PDE7B: variants seen among roughly 807,000 people sequenced by gnomAD.
PDE7B encodes the protein 3',5'-cyclic-AMP phosphodiesterase 7B.
A neutral mutation model predicts 56.2 loss-of-function variants in PDE7B; 29 were observed. The observed-to-expected ratio is 0.52, with a 90% CI of 0.38 to 0.70. The LOEUF (loss-of-function observed/expected upper bound fraction) is 0.70, where lower values mean the gene tolerates loss of function less well. Ranked by LOEUF, PDE7B falls within the 30% of genes least tolerant of loss-of-function variation. The pLI is 0.00. For missense variants in PDE7B, 490 were observed against 565.0 expected, an observed-to-expected ratio of 0.87 and a Z score of 1.35; for synonymous variants, 197 against 196.9, an observed-to-expected ratio of 1.00 and a Z score of 0.00.
intron 2 of PDE7B, among the ~76,000 whole-genome samples, chr6:136,019,452 CTG>C (rs985117787): frequency 1.4e-3 from 206 of 152,216 alleles, no homozygotes; most frequent in African/African-American, 4.9e-3. Flanking sequence ...GGCATCGACA[CTG>C]TAAATATGCA....
intron 1 of PDE7B, among the ~76,000 whole-genome samples, chr6:135,945,214 T>C (rs1400307100): frequency 6.6e-6 from 1 of 152,200 alleles, no homozygotes; most frequent in Non-Finnish European, 1.5e-5. Flanking sequence ...ATCCTCACAT[T>C]TGCTTCTCTG....
At chr6:136,082,464 A>G (rs1777222367) in intron 2 of PDE7B, among the ~76,000 whole-genome samples, 1 of 152,186 alleles carries the variant, frequency 6.6e-6, no homozygotes. Context: ...GGACAGCGAG[A>G]TTTGCCAAAT....
chr6:135,961,775 C>A, intron 2 of PDE7B, among the ~76,000 whole-genome samples: 1 of 152,070 alleles, frequency 6.6e-6, no homozygotes, highest in Non-Finnish European at 1.5e-5. Flanking sequence ...AATTAATTTT[C>A]ATTTTTTCTT....
At chr6:136,068,740 C>G (rs979670607) in intron 2 of PDE7B, among the ~76,000 whole-genome samples, 1 of 152,058 alleles carries the variant, frequency 6.6e-6, no homozygotes, top group African/African-American at 2.4e-5. Context: ...CTTCAAGATT[C>G]TTATTACACA....
chr6:136,075,557 A>AT (rs1777115379), intron 2 of PDE7B, among the ~76,000 whole-genome samples: 1 of 152,154 alleles, frequency 6.6e-6, no homozygotes, highest in Non-Finnish European at 1.5e-5. Flanking sequence ...GTGTGCTCTA[A>AT]TTTGCCCTGG....
intron 2 of PDE7B, among the ~76,000 whole-genome samples, chr6:136,102,768 G>A (rs550522013): frequency 6.6e-6 from 1 of 152,264 alleles, no homozygotes; most frequent in African/African-American, 2.4e-5. Flanking sequence ...GATAGCTCTT[G>A]TTGACACTAG....
chr6:136,173,771 A>G (rs1160231528), intron 8 of PDE7B, 26 bp from the exon 9 acceptor site: 33 of 1,457,954 alleles, frequency 2.3e-5, no homozygotes, highest in Non-Finnish European at 3.1e-5. Context: ...CCTCTCATTT[A>G]TAACTCTTAT....
At chr6:136,117,114 C>T (rs897410420) in intron 3 of PDE7B, 5 of 152,192 alleles carry the variant, frequency 3.3e-5, no homozygotes, top group Non-Finnish European at 7.3e-5. Flanking sequence ...TACAGCACTT[C>T]CTTGAGCGAA....
At chr6:135,941,648 T>C (rs1189211464) in intron 1 of PDE7B, among the ~76,000 whole-genome samples, 1 of 152,232 alleles carries the variant, frequency 6.6e-6, no homozygotes, top group Non-Finnish European at 1.5e-5. Flanking sequence ...TCTAATTCCC[T>C]TTATTAAATT....
intron 2 of PDE7B, chr6:136,038,063 T>A: frequency 7.5e-7 from 1 of 1,337,536 alleles, no homozygotes; most frequent in Non-Finnish European, 9.9e-7. Context: ...GTCGGCAGTG[T>A]TTGTGGAGGG....
chr6:136,054,368 T>C (rs1276046688), intron 2 of PDE7B, among the ~76,000 whole-genome samples: 2 of 152,218 alleles, frequency 1.3e-5, no homozygotes, highest in Non-Finnish European at 2.9e-5. Context: ...TAGTTGTAGA[T>C]ATGTGGCATT....
intron 2 of PDE7B, among the ~76,000 whole-genome samples, chr6:136,048,778 C>T (rs1212065852): frequency 1.3e-5 from 2 of 152,164 alleles, no homozygotes; most frequent in Admixed American, 1.3e-4. Context: ...ACCATAGTGG[C>T]ATTCATTGAC....
chr6:136,138,421 C>T (rs980723629), intron 3 of PDE7B, among the ~76,000 whole-genome samples: 6 of 152,074 alleles, frequency 3.9e-5, no homozygotes, highest in African/African-American at 1.4e-4. Context: ...CCATCTTCAG[C>T]TTCTTATATC....
At chr6:135,866,835 G>A (rs1467668049) in intron 1 of PDE7B, among the ~76,000 whole-genome samples, 1 of 152,168 alleles carries the variant, frequency 6.6e-6, no homozygotes, top group Non-Finnish European at 1.5e-5. Flanking sequence ...TGTGGAAATA[G>A]CAAATAAATT....
intron 8 of PDE7B, among the ~76,000 whole-genome samples, chr6:136,170,509 A>T (rs1026053174): frequency 2.0e-5 from 3 of 152,128 alleles, no homozygotes; most frequent in Non-Finnish European, 1.5e-5. Flanking sequence ...TGTCTCTAAG[A>T]CTGTGGCTAC....
intron 2 of PDE7B, among the ~76,000 whole-genome samples, chr6:136,052,982 C>T (rs1445847532): frequency 2.0e-5 from 3 of 152,144 alleles, no homozygotes; most frequent in African/African-American, 7.2e-5. Context: ...ATTGGCTCCA[C>T]TGAATGGTCT....
intron 3 of PDE7B, among the ~76,000 whole-genome samples, chr6:136,120,236 C>T (rs1426826897): frequency 2.0e-5 from 3 of 152,166 alleles, no homozygotes; most frequent in Non-Finnish European, 2.9e-5. Flanking sequence ...GTTTTCCATT[C>T]TATAGTTTTA....
At chr6:135,992,716 A>T (rs912017095) in intron 2 of PDE7B, among the ~76,000 whole-genome samples, 1 of 152,212 alleles carries the variant, frequency 6.6e-6, no homozygotes, top group Non-Finnish European at 1.5e-5. Flanking sequence ...TATGTGCTAC[A>T]TGTCCATTTA....
intron 9 of PDE7B, among the ~76,000 whole-genome samples, chr6:136,178,081 T>C (rs1779008228): frequency 6.6e-6 from 1 of 152,186 alleles, no homozygotes; most frequent in Non-Finnish European, 1.5e-5. Flanking sequence ...GCGTGGTTTA[T>C]AGATGCACTC....
Sources: gnomAD v4.1 joint callset for allele counts (sites outside exome capture counted in the v4.1 genomes callset) on GRCh38, gnomAD v4.1.1 for gene constraint, MANE v1.5 for transcripts, NCBI Gene and HGNC (gene_info 2026-07-23, HGNC 2026-07-21) for gene names.